SBNO2: variants seen among roughly 807,000 people sequenced by gnomAD.
SBNO2 encodes the protein strawberry notch homolog 2.
SBNO2 carries 89 observed loss-of-function variants against 146.3 expected under a neutral mutation model. The observed-to-expected ratio is 0.61, with a 90% CI of 0.51 to 0.73. The LOEUF is 0.73. Ranked by LOEUF, SBNO2 falls within the 30% of genes least tolerant of loss-of-function variation. The pLI is 0.00. For synonymous variants in SBNO2, 1,147 were observed against 892.6 expected (o/e 1.29, Z -5.08); for missense variants, 2,092 against 2,003.7 (o/e 1.04, Z -0.84).
At chr19:1,118,812 C>A (rs2079863188) in intron 14 of SBNO2, among the ~76,000 whole-genome samples, 199 bp downstream of exon 14, 1 of 152,034 alleles carries the variant, frequency 6.6e-6, no homozygotes, top group South Asian at 2.1e-4. Flanking sequence ...GCAGAGGTTG[C>A]AGTGAACTGA....
intron 16 of SBNO2, among the ~76,000 whole-genome samples, chr19:1,116,590 C>A (rs1016066284): frequency 6.6e-6 from 1 of 152,160 alleles, no homozygotes; most frequent in African/African-American, 2.4e-5. Context: ...TCTGAGACCC[C>A]TGGAGACCAT....
chr19:1,122,027 T>A, intron 11 of SBNO2, 112 bp downstream of exon 11: 12 of 298,848 alleles, frequency 4.0e-5, no homozygotes, highest in East Asian at 1.1e-4. Context: ...CCCTCTCCCA[T>A]CCTGCCCTCC....
At position 1,109,024 on chromosome 19, in the gene SBNO2, C is replaced by A; in HGVS notation, c.3426-55G>T. The A allele has an allele frequency of 6.7e-7, 1 of 1,492,424 alleles. No homozygotes were observed. Among genetic ancestry groups the A allele is most frequent in the Non-Finnish European group, 8.9e-7 (1 of 1,123,052 alleles). The allele number at this position is 1,492,424 out of a possible 1,614,324, so 92.4% of individuals were successfully genotyped here. ...GGCGGGTCCCAGGGGCCCGCAGGCT[C>A]CCCAGGTGCCCTGAGATCTCCCGCC... is the stretch of plus-strand genomic sequence containing the variant. On this transcript the variant is annotated intron_variant, in intron 30 of 31. Coordinates refer to ENST00000361757, the MANE Select transcript of SBNO2 (RefSeq NM_014963.3). The surrounding 1 kb of genome is among the most constrained non-coding windows in gnomAD (Gnocchi z 4.2).
Position 1,154,193 on chromosome 19 carries a change from C to T in SBNO2, c.84G>A (p.Pro28=), listed in dbSNP as rs2080267811. ...PPAGSLLYSP[P]PLQSAMLHCP... ...CGGGGGTGGGGCTCACCTGCAGGGG[C>T]GGCGGGCTGTACAGGAGGCTGCCCG... The change falls in exon 2 of 32, where the codon CCG becomes CCA. Residue 28 remains proline, a synonymous_variant. Coordinates refer to ENST00000361757, the MANE Select transcript of SBNO2 (RefSeq NM_014963.3). 14 of 1,242,864 alleles carry T rather than the reference C, an allele frequency of 1.1e-5. No individual in the cohort carries two copies. Among genetic ancestry groups the T allele is most frequent in the South Asian group, 3.9e-5 (1 of 25,472 alleles). The allele number at this position is 1,242,864 out of a possible 1,614,324, so 77.0% of individuals were successfully genotyped here.
Position 1,154,280 on chromosome 19 carries a change from G to A in SBNO2, c.-4C>T, listed in dbSNP as rs2080268913. 7.9e-7 allele frequency: 1 copy of A among 1,261,404 alleles called. No homozygotes were observed. The highest frequency in any genetic ancestry group is 1.0e-6 in the Non-Finnish European group (1 of 1,002,298). 78.1% of individuals were successfully genotyped at this position (1,261,404 alleles called of 1,614,324 possible). A position where few individuals can be genotyped will look rare whatever the true frequency, so the allele number is the denominator to read the frequency against. On this transcript the variant is annotated 5_prime_UTR_variant, in exon 2 of 32. Coordinates refer to ENST00000361757, the MANE Select transcript of SBNO2 (RefSeq NM_014963.3). ...TGGCGGGCCCCACTGCAAGCATCGG[G>A]CGGCAGGCGGGGTGGGGTCCTCGGC... is the stretch of plus-strand genomic sequence containing the variant.
At chr19:1,165,563 C>T (rs912586049) in intron 1 of SBNO2, among the ~76,000 whole-genome samples, 2 of 152,012 alleles carry the variant, frequency 1.3e-5, no homozygotes, top group African/African-American at 4.8e-5. Context: ...GAAGAAACCA[C>T]ATCTGGGGAA....
At chr19:1,161,687 C>T (rs927868563) in intron 1 of SBNO2, among the ~76,000 whole-genome samples, 5 of 151,918 alleles carry the variant, frequency 3.3e-5, no homozygotes, top group African/African-American at 1.2e-4. Flanking sequence ...CGTCATACTA[C>T]GCTTTCTACC....
At position 1,154,408 on chromosome 19, in the gene SBNO2, G is replaced by C. The variant is rs974712592; in HGVS notation, c.-126-6C>G. 2 of 423,604 alleles carry C rather than the reference G, an allele frequency of 4.7e-6. No individual in the cohort carries two copies. Among genetic ancestry groups the C allele is most frequent in the African/African-American group, 4.1e-5 (2 of 48,724 alleles). 26.2% of individuals were successfully genotyped at this position (423,604 alleles called of 1,614,324 possible). A position where few individuals can be genotyped will look rare whatever the true frequency, so the allele number is the denominator to read the frequency against. Reference sequence around the variant, plus strand: ...GGTGGCGGCAGCATCATGATCTGCAGAGGGAGACGGGGACGTCCTGAGAGT... The same window carrying C: ...GGTGGCGGCAGCATCATGATCTGCACAGGGAGACGGGGACGTCCTGAGAGT... On this transcript the variant is annotated splice_region_variant and splice_polypyrimidine_tract_variant and intron_variant, in intron 1 of 31. Transcript: ENST00000361757.
chr19:1,149,671 G>A (rs2080224872), intron 2 of SBNO2, among the ~76,000 whole-genome samples: 1 of 152,210 alleles, frequency 6.6e-6, no homozygotes. Flanking sequence ...TGAAGGCACT[G>A]AACCACCCGC....
chr19:1,117,304 G>C lies in SBNO2; in HGVS notation c.1704+19C>G, dbSNP rs201821645. ...GCAGGCCCGGCCGCCCTCAGCCCTC[G>C]AAGGCCGCAGCCGCTCACCTTGTCT... On this transcript the variant is annotated intron_variant, in intron 15 of 31. Transcript: ENST00000361757. 2 of 1,549,870 alleles carry C rather than the reference G, an allele frequency of 1.3e-6. No homozygotes were observed. The highest frequency in any genetic ancestry group is 8.7e-7 in the Non-Finnish European group (1 of 1,147,266).
chr19:1,142,824 G>A (rs932159067), intron 4 of SBNO2, among the ~76,000 whole-genome samples: 3 of 151,746 alleles, frequency 2.0e-5, no homozygotes, highest in Non-Finnish European at 4.4e-5. Context: ...AAAATTAGCC[G>A]GGCGTGGTGG....
chr19:1,124,486 G>A (rs913783158), intron 5 of SBNO2, among the ~76,000 whole-genome samples: 1 of 152,188 alleles, frequency 6.6e-6, no homozygotes, highest in African/African-American at 2.4e-5. Context: ...AGGGGGAAGA[G>A]GAGACAGAGG....
At chr19:1,152,905 C>A (rs1187999721) in intron 2 of SBNO2, among the ~76,000 whole-genome samples, 3 of 152,154 alleles carry the variant, frequency 2.0e-5, no homozygotes, top group Admixed American at 6.5e-5. Flanking sequence ...GTAATCCCAG[C>A]ACTTTGGGAG....
intron 1 of SBNO2, among the ~76,000 whole-genome samples, chr19:1,165,015 T>TC (rs1476616779): frequency 7.1e-6 from 1 of 141,688 alleles, no homozygotes; most frequent in Non-Finnish European, 1.5e-5. Flanking sequence ...CTGTGGGTCT[T>TC]CCACAGGGTG....
In SBNO2 at chr19:1,117,383, G is replaced by T; in HGVS notation, c.1644C>A (p.Cys548Ter). ...SAHQRFFKYL[C>*]IAAKVRRLVE... ...CCAGCCGGCGCACCTTGGCTGCGAT[G>T]CACAGATACTTGAAGAAGCGCTGGT... Residue 548 changes from cysteine to a stop codon, truncating the protein, a stop_gained, in exon 15 of 32, where the codon TGC becomes TGA. Coordinates refer to ENST00000361757, the MANE Select transcript of SBNO2 (RefSeq NM_014963.3). LOFTEE classifies it high-confidence loss of function. 1 of 1,588,276 alleles carries T rather than the reference G, an allele frequency of 6.3e-7. No homozygotes were observed. The highest frequency in any genetic ancestry group is 2.3e-5 in the East Asian group (1 of 43,436).
chr19:1,132,212 C>T (rs1389419565), intron 4 of SBNO2: 4 of 1,349,650 alleles, frequency 3.0e-6, no homozygotes, highest in Non-Finnish European at 3.8e-6. Flanking sequence ...GCGGCAGCAG[C>T]CCCAGCATTG....
Position 1,122,487 on chromosome 19 carries a change from G to T in SBNO2, c.986C>A (p.Ala329Glu). 2 of 1,573,744 alleles carry T rather than the reference G, an allele frequency of 1.3e-6. No homozygotes were observed. The highest frequency in any genetic ancestry group is 2.3e-5 in the South Asian group (2 of 86,216). Residue 329 changes from alanine (A) to glutamate (E), a missense_variant, in exon 10 of 32, where the codon GCG becomes GAG. By Grantham distance (107) the Ala-to-Glu change is moderately radical. Coordinates refer to ENST00000361757, the MANE Select transcript of SBNO2 (RefSeq NM_014963.3). Reference protein sequence around the residue: ...DLRDIEATGIAVHALSKIKYG... With the variant: ...DLRDIEATGIEVHALSKIKYG... ...CCCTACCTTGCTGAGCGCGTGCACC[G>T]CGATGCCCGTGGCTTCGATGTCCCG... is the stretch of plus-strand genomic sequence containing the variant.
At chr19:1,161,925 G>GGGGGGT (rs2080350834) in intron 1 of SBNO2, among the ~76,000 whole-genome samples, 3 of 46,582 alleles carry the variant, frequency 6.4e-5, no homozygotes, top group Non-Finnish European at 1.3e-4. Flanking sequence ...GGGGGGGGGG[G>GGGGGGT]TTGGGCCAGG....
At position 1,116,899 on chromosome 19, in the gene SBNO2, C is replaced by A. The variant is rs1286970363; in HGVS notation, c.1732G>T (p.Gly578Cys). 1 of 1,568,708 alleles carries A rather than the reference C, an allele frequency of 6.4e-7. No homozygotes were observed. Among genetic ancestry groups the A allele is most frequent in the Admixed American group, 1.8e-5 (1 of 55,408 alleles). Reference protein sequence around the residue: ...KCVVIGLQSTGEARTREVLGE... With the variant: ...KCVVIGLQSTCEARTREVLGE... ...AGCACCTCCCGCGTGCGCGCCTCGC[C>A]CGTGGACTGCAGCCCGATGACCACG... Residue 578 changes from glycine to cysteine, a missense_variant, in exon 16 of 32, where the codon GGC becomes TGC. Transcript: ENST00000361757.
Sources: gnomAD v4.1 joint callset for allele counts (sites outside exome capture counted in the v4.1 genomes callset) on GRCh38, gnomAD v4.1.1 for gene constraint, Gnocchi (gnomAD v3.1) non-coding constraint, MANE v1.5 for transcripts, NCBI Gene and HGNC (gene_info 2026-07-23, HGNC 2026-07-21) for gene names.